The following MAPKBP1 variants were observed in gnomAD, a reference collection of about 807,000 sequenced individuals.
MAPKBP1 encodes the protein mitogen-activated protein kinase binding protein 1.
MAPKBP1 carries 71 observed loss-of-function variants against 170.5 expected under a neutral mutation model. That is an observed-to-expected ratio of 0.42 (90% CI 0.34 to 0.51). MAPKBP1 has a LOEUF of 0.51. Among genes scored for constraint, MAPKBP1 ranks in the 20% least tolerant of loss-of-function variants. The pLI, the probability that MAPKBP1 is intolerant of heterozygous loss-of-function variation, is 0.06. For missense variants in MAPKBP1, 1,598 were observed against 1,933.0 expected (o/e 0.83, Z 3.25); for synonymous variants, 719 against 757.9 (o/e 0.95, Z 0.84).
At position 41,827,299 on chromosome 15, in the gene MAPKBP1, CA is replaced by C. The variant is rs11449239; in HGVS notation, c.*1875del. 116 of 142,486 alleles carry C rather than the reference CA, an allele frequency of 8.1e-4. No individual in the cohort carries two copies. The highest frequency in any genetic ancestry group is 8.3e-4 in the African/African-American group (32 of 38,440). 8.8% of individuals were successfully genotyped at this position (142,486 alleles called of 1,614,324 possible). On this transcript the variant is annotated 3_prime_UTR_variant, in exon 31 of 31. Transcript: ENST00000457542. ...TAGGTGACAAAGCTACACGCCATCT[CA>C]AAAAAAAAAAAGAAAAAGGGTTACA...
At chr15:41,793,476 AAAAT>A (rs1207287764) in intron 2 of MAPKBP1, among the ~76,000 whole-genome samples, 1 of 152,240 alleles carries the variant, frequency 6.6e-6, no homozygotes, top group African/African-American at 2.4e-5. Context: ...CCGTCTCAAA[AAAAT>A]AAATAAAAAT....
At chr15:41,806,962 C>T (rs762883602) in intron 3 of MAPKBP1, among the ~76,000 whole-genome samples, 2 of 152,212 alleles carry the variant, frequency 1.3e-5, no homozygotes, top group South Asian at 2.1e-4. Flanking sequence ...TCAGCATCTG[C>T]GTTATCGTCC....
At chr15:41,797,829 C>A (rs1051779670) in intron 2 of MAPKBP1, among the ~76,000 whole-genome samples, 15 of 152,242 alleles carry the variant, frequency 9.9e-5, no homozygotes, top group Admixed American at 5.2e-4. Context: ...ACACAGATAA[C>A]CTTGGGGACC....
rs1005462655 is a variant in MAPKBP1, at chr15:41,813,109, C to T, written c.819+8C>T. On this transcript the variant is annotated splice_region_variant and intron_variant, in intron 8 of 30. Transcript: ENST00000457542. ...AAGTGGGTGGAGCTGAGGGTAAGTA[C>T]CTCCGTCCCCAGGGGTAGGGTCTGC... The T allele has an allele frequency of 2.5e-6, 4 of 1,592,638 alleles. No individual in the cohort carries two copies. The highest frequency in any genetic ancestry group is 3.4e-6 in the Non-Finnish European group (4 of 1,169,516).
chr15:41,816,714 C>G, intron 13 of MAPKBP1, 64 bp downstream of exon 13: 1 of 1,517,268 alleles, frequency 6.6e-7, no homozygotes, highest in Non-Finnish European at 9.1e-7. Flanking sequence ...TTATATCTGT[C>G]CCGGCTCTTG....
chr15:41,806,189 A>G (rs1477587113), intron 3 of MAPKBP1, among the ~76,000 whole-genome samples: 7 of 152,182 alleles, frequency 4.6e-5, no homozygotes, highest in Admixed American at 2.0e-4. Flanking sequence ...CCCCACCCCC[A>G]GTGTAAGTTA....
chr15:41,823,880 C>T lies in MAPKBP1; in HGVS notation c.4032C>T (p.Gly1344=), dbSNP rs2065045877. 2.5e-6 allele frequency: 4 copies of T among 1,614,090 alleles called. No homozygotes were observed. The highest frequency in any genetic ancestry group is 2.7e-5 in the African/African-American group (2 of 74,924). Residue 1344 remains glycine (G), a synonymous_variant, in exon 29 of 31, where the codon GGC becomes GGT. Transcript: ENST00000457542. ...TTERWACLGE[G]TTPKPRTECQ... ...AGAGATGGGCCTGTTTGGGGGAGGG[C>T]ACCACTCCCAAGCCTAGGACAGAGT...
rs2064999638 is a variant in MAPKBP1, at chr15:41,821,678, A to G, written c.2813A>G (p.Asp938Gly). ...LSQEEGVFAQ[D>G]LEPAPIEDGI... ...CAAGAGGAAGGGGTCTTTGCCCAAG[A>G]TCTGGAACCTGCACCCATTGAAGAT... Residue 938 changes from aspartate to glycine, a missense_variant, in exon 24 of 31, where the codon GAT becomes GGT. Asp to Gly is a moderately conservative substitution (Grantham distance 94, BLOSUM62 -1). This residue lies in a region of MAPKBP1 where 942 missense variants were observed against 953.2 expected (regional missense o/e 0.99). Coordinates refer to ENST00000457542, the MANE Select transcript of MAPKBP1 (RefSeq NM_014994.3). 1 of 1,614,138 alleles carries G rather than the reference A, an allele frequency of 6.2e-7. No individual in the cohort carries two copies. Among genetic ancestry groups the G allele is most frequent in the Non-Finnish European group, 8.5e-7 (1 of 1,180,016 alleles).
Position 41,811,178 on chromosome 15 carries a change from G to A in MAPKBP1, c.270G>A (p.Arg90=), listed in dbSNP as rs555958343. ...TCTGAGCCTGCCCCATCTCTTGCAG[G>A]AAAACCATCACTGCCCTTGCCTTCT... ...HKQHHILNSS[R]KTITALAFSP... is the part of the protein sequence containing the mutation. Residue 90 remains arginine (R), a splice_region_variant and synonymous_variant, in exon 5 of 31, where the codon AGG becomes AGA. Transcript: ENST00000457542. 27 of 1,614,230 alleles carry A rather than the reference G, an allele frequency of 1.7e-5. No homozygotes were observed. The South Asian group carries it at 2.7e-4, about 16-fold the overall frequency.
chr15:41,823,632 C>T lies in MAPKBP1; in HGVS notation c.3784C>T (p.Leu1262=). 1 of 1,614,170 alleles carries T rather than the reference C, an allele frequency of 6.2e-7. No homozygotes were observed. Among genetic ancestry groups the T allele is most frequent in the South Asian group, 1.1e-5 (1 of 91,070 alleles). The change falls in exon 29 of 31, where the codon CTG becomes TTG. Residue 1262 remains leucine, a synonymous_variant. Coordinates refer to ENST00000457542, the MANE Select transcript of MAPKBP1 (RefSeq NM_014994.3). ...CCGCAGTATCTCTGTTGGGGAGAACCTGGGCCTGGTGGCTGAACCTCAAGC... is the reference window on the plus strand; with the variant it reads ...CCGCAGTATCTCTGTTGGGGAGAACTTGGGCCTGGTGGCTGAACCTCAAGC... ...ISRSISVGEN[L]GLVAEPQAHA... is the part of the protein sequence containing the mutation.
intron 12 of MAPKBP1, 105 bp downstream of exon 12, chr15:41,815,904 C>G: frequency 8.5e-7 from 1 of 1,171,822 alleles, no homozygotes; most frequent in South Asian, 1.6e-5. Context: ...CAACAAGATA[C>G]TTATTTACAA....
chr15:41,803,413 CAAAAAAAAAAA>C (rs1166671811), intron 3 of MAPKBP1, among the ~76,000 whole-genome samples: 2 of 11,274 alleles, frequency 1.8e-4, no homozygotes, highest in South Asian at 8.5e-3. Flanking sequence ...GACTCCATCT[CAAAAAAAAAAA>C]AAAAAAAAAA....
intron 1 of MAPKBP1, chr15:41,774,928 A>G (rs1461423975): frequency 2.1e-6 from 1 of 476,678 alleles, no homozygotes; most frequent in East Asian, 3.2e-5. Context: ...ACTGGGGCCC[A>G]TCCCATCCAT....
At chr15:41,806,989 G>A (rs1429821937) in intron 3 of MAPKBP1, among the ~76,000 whole-genome samples, 2 of 152,144 alleles carry the variant, frequency 1.3e-5, no homozygotes, top group African/African-American at 4.8e-5. Context: ...GTGTAGCTGC[G>A]ACCGTGGTTG....
chr15:41,811,210 A>T lies in MAPKBP1; in HGVS notation c.302A>T (p.Asp101Val), dbSNP rs142075732. Reference protein sequence around the residue: ...KTITALAFSPDGKYLVTGESG... With the variant: ...KTITALAFSPVGKYLVTGESG... ...ATCACTGCCCTTGCCTTCTCCCCTGATGGCAAGTACTTGGTCACTGGAGAG... is the reference window on the plus strand; with the variant it reads ...ATCACTGCCCTTGCCTTCTCCCCTGTTGGCAAGTACTTGGTCACTGGAGAG... Residue 101 changes from aspartate (D) to valine (V), a missense_variant, in exon 5 of 31, where the codon GAT (aspartate) becomes GTT (valine). By Grantham distance (152) the Asp-to-Val change is radical (BLOSUM62 -3). Transcript: ENST00000457542. 3 of 1,614,104 alleles carry T rather than the reference A, an allele frequency of 1.9e-6. No individual in the cohort carries two copies. The African/African-American group carries it at 4.0e-5, about 22-fold the overall frequency.
At chr15:41,813,371 C>A (rs376259892) in intron 8 of MAPKBP1, 1 of 1,524,302 alleles carries the variant, frequency 6.6e-7, no homozygotes, top group African/African-American at 1.4e-5. Context: ...GCACCTTCCT[C>A]TCTTTCTCAT....
In MAPKBP1 at chr15:41,824,392, G is replaced by A. The variant is rs540528700; in HGVS notation, c.4214-92G>A. 9.1e-6 allele frequency: 11 copies of A among 1,215,380 alleles called. No individual in the cohort carries two copies. The South Asian group carries it at 1.5e-4, about 17-fold the overall frequency. The allele number at this position is 1,215,380 out of a possible 1,614,324, so 75.3% of individuals were successfully genotyped here. A position where few individuals can be genotyped will look rare whatever the true frequency, so the allele number is the denominator to read the frequency against. On this transcript the variant is annotated intron_variant, in intron 29 of 30. Transcript: ENST00000457542. ...GGGCAAGTGGGGGGTGCAATGCTGA[G>A]GGCTAGGTCTCTCCTGTTCTGAGTG...
At position 41,816,647 on chromosome 15, in the gene MAPKBP1, A is replaced by G. The variant is rs1225269411; in HGVS notation, c.1582A>G (p.Thr528Ala). 2 of 1,613,602 alleles carry G rather than the reference A, an allele frequency of 1.2e-6. No homozygotes were observed. The highest frequency in any genetic ancestry group is 1.7e-6 in the Non-Finnish European group (2 of 1,179,910). ...ILCLEYSKPD[T>A]GLKLLASASR... ...GTGCCTGGAGTATTCTAAGCCAGAC[A>G]CAGGTTAGGAGAATGCCCGGAATGG... is the stretch of plus-strand genomic sequence containing the variant. The change falls in exon 13 of 31, where the codon ACA becomes GCA. Residue 528 changes from threonine (T) to alanine (A), a missense_variant. Physicochemically the swap from Thr to Ala is moderately conservative, Grantham distance 58. Around this residue, in one of 6 missense-constraint regions of MAPKBP1, gnomAD observed 430 missense variants for 617.2 expected, o/e 0.70. Coordinates refer to ENST00000457542, the MANE Select transcript of MAPKBP1 (RefSeq NM_014994.3).
At position 41,823,554 on chromosome 15, in the gene MAPKBP1, T is replaced by A; in HGVS notation, c.3706T>A (p.Ser1236Thr). 1 of 1,614,126 alleles carries A rather than the reference T, an allele frequency of 6.2e-7. No individual in the cohort carries two copies. Among genetic ancestry groups the A allele is most frequent in the Non-Finnish European group, 8.5e-7 (1 of 1,180,014 alleles). The change falls in exon 29 of 31, where the codon TCT (serine) becomes ACT (threonine). Residue 1236 changes from serine (S) to threonine (T), a missense_variant. By Grantham distance (58) the Ser-to-Thr change is moderately conservative. Around this residue, in one of 6 missense-constraint regions of MAPKBP1, gnomAD observed 942 missense variants for 953.2 expected, o/e 0.99. Transcript: ENST00000457542. ...GSLPPADGRP[S>T]RPHSYQNPTT... ...CCTGCCCCCAGCTGATGGCCGTCCG[T>A]CTCGGCCTCACTCCTATCAGAACCC...
Sources: gnomAD v4.1 joint callset for allele counts (sites outside exome capture counted in the v4.1 genomes callset) on GRCh38, gnomAD v4.1.1 for gene constraint, gnomAD v4.1.1 regional missense constraint, MANE v1.5 for transcripts, NCBI Gene and HGNC (gene_info 2026-07-23, HGNC 2026-07-21) for gene names.